The following ABI1 variants were observed in gnomAD, a reference collection of about 807,000 sequenced individuals.
ABI1 encodes Abelson interactor 1.
A neutral mutation model predicts 54.6 loss-of-function variants in ABI1; 14 were observed. That is an observed-to-expected ratio of 0.26 (90% CI 0.17 to 0.40). ABI1 has a LOEUF of 0.40. ABI1 is among the 10% of genes least tolerant of loss of function. The pLI, the probability that ABI1 is intolerant of heterozygous loss-of-function variation, is 1.00. For missense variants in ABI1, 443 were observed against 598.3 expected, an observed-to-expected ratio of 0.74 and a Z score of 2.71; for synonymous variants, 194 against 209.3, an observed-to-expected ratio of 0.93 and a Z score of 0.63.
intron 3 of ABI1, among the ~76,000 whole-genome samples, chr10:26,772,987 G>A (rs1341672827): frequency 2.6e-5 from 4 of 151,876 alleles, no homozygotes; most frequent in Non-Finnish European, 5.9e-5. Flanking sequence ...TGAGGAGGGA[G>A]GATCACTTGA....
At position 26,775,303 on chromosome 10, in the gene ABI1, T is replaced by C. The variant is rs187305031; in HGVS notation, c.462+1762A>G. Reference sequence around the variant, plus strand: ...CACAGAAACAAACTATAGACAAATATGCCAAATAATCAGCTTCTAAAATAT... The same window carrying C: ...CACAGAAACAAACTATAGACAAATACGCCAAATAATCAGCTTCTAAAATAT... On this transcript the variant is annotated intron_variant, in intron 3 of 10. Coordinates refer to ENST00000376140, the MANE Select transcript of ABI1 (RefSeq NM_001012750.3). Among the ~76,000 whole-genome samples the C allele has an allele frequency of 5.6e-3, 854 of 152,254 alleles. 39 individuals are homozygous for C. The highest frequency in any genetic ancestry group is 0.053 in the Admixed American group (806 of 15,280).
Position 26,786,283 on chromosome 10 carries a change from G to A in ABI1, c.286-9042C>T, listed in dbSNP as rs1042660943. On this transcript the variant is annotated intron_variant, in intron 2 of 10. Transcript: ENST00000376140. ...GGCTGGAGTTCAGTGGTGCGATCTC[G>A]GCTCACTGCGCCCTCTGCCTCCCAG... 6.0e-5 allele frequency among the ~76,000 whole-genome samples: 9 copies of A among 150,920 alleles called. No homozygotes were observed. In the East Asian group the frequency reaches 7.8e-4, roughly 13 times the overall value.
rs930166576 is a variant in ABI1 at position 26,860,885 on chromosome 10, T to G, written c.-22A>C. Reference sequence around the variant, plus strand: ...CCATTTTCCACCCCTCTGCATCGCTTCCTCTCGCGTTAAAGAGACAGAGGC... The same window carrying G: ...CCATTTTCCACCCCTCTGCATCGCTGCCTCTCGCGTTAAAGAGACAGAGGC... On this transcript the variant is annotated 5_prime_UTR_variant, in exon 1 of 11. Transcript: ENST00000376140. This position sits in a 1 kb window ranked among gnomAD's most constrained non-coding sequence, Gnocchi z 4.1. The G allele has an allele frequency of 9.3e-6, 15 of 1,605,468 alleles. No individual in the cohort carries two copies. Among genetic ancestry groups the G allele is most frequent in the Non-Finnish European group, 1.3e-5 (15 of 1,172,510 alleles).
intron 1 of ABI1, among the ~76,000 whole-genome samples, chr10:26,857,035 T>C (rs2050873526): frequency 6.6e-6 from 1 of 151,998 alleles, no homozygotes; most frequent in Non-Finnish European, 1.5e-5. Flanking sequence ...TAAAAACACT[T>C]TCAGCCAGGC....
In ABI1 at chr10:26,774,704, A is replaced by C. The variant is rs147786844; in HGVS notation, c.462+2361T>G. 8.4e-4 allele frequency among the ~76,000 whole-genome samples: 128 copies of C among 152,266 alleles called. 1 individual carries two copies. The East Asian group carries it at 0.015, about 18-fold the overall frequency. Reference sequence around the variant, plus strand: ...TAAAACCCAGATATATTTAAATACAAATACCAAAACACTAAAATTTACATC... The same window carrying C: ...TAAAACCCAGATATATTTAAATACACATACCAAAACACTAAAATTTACATC... On this transcript the variant is annotated intron_variant, in intron 3 of 10. Coordinates refer to ENST00000376140, the MANE Select transcript of ABI1 (RefSeq NM_001012750.3).
At chr10:26,749,006 TTTTAGAA>T (rs1218638294) in intron 10 of ABI1, among the ~76,000 whole-genome samples, 1 of 152,216 alleles carries the variant, frequency 6.6e-6, no homozygotes, top group African/African-American at 2.4e-5. Context: ...GCTCTCTGAA[TTTTAGAA>T]TTTATTAGAT....
rs543444226 is a variant in ABI1, at chr10:26,823,305, C to A, written c.118G>T (p.Ala40Ser). 12 of 1,503,838 alleles carry A rather than the reference C, an allele frequency of 8.0e-6. No individual in the cohort carries two copies. The South Asian group carries it at 1.4e-4, about 18-fold the overall frequency. 93.2% of individuals were successfully genotyped at this position (1,503,838 alleles called of 1,614,324 possible). A position where few individuals can be genotyped will look rare whatever the true frequency, so the allele number is the denominator to read the frequency against. The change falls in exon 2 of 11, where the codon GCT becomes TCT. Residue 40 changes from alanine (A) to serine (S), a missense_variant and splice_region_variant. By Grantham distance (99) the Ala-to-Ser change is moderately conservative. Around this residue, in one of 2 missense-constraint regions of ABI1, gnomAD observed 394 missense variants for 484.8 expected, o/e 0.81. Transcript: ENST00000376140. ...ADYCENNYIQ[A>S]TDKRKALEET... ...TCTAAAGCTTTTCTCTTGTCTGTAG[C>A]CTGAAATAAGAACAAAAACAACAAA...
chr10:26,771,256 G>A (rs1321370906), intron 3 of ABI1, among the ~76,000 whole-genome samples, 167 bp from the exon 4 acceptor site: 2 of 152,108 alleles, frequency 1.3e-5, no homozygotes. Flanking sequence ...ACGTACTGGG[G>A]AAATACTCAT....
intron 1 of ABI1, among the ~76,000 whole-genome samples, chr10:26,858,030 G>A (rs2050981535): frequency 6.6e-6 from 1 of 152,068 alleles, no homozygotes. Flanking sequence ...ACACACCTTA[G>A]CTAAACTGGA....
chr10:26,813,527 T>C (rs1437275046), intron 2 of ABI1, among the ~76,000 whole-genome samples: 3 of 152,206 alleles, frequency 2.0e-5, no homozygotes, highest in African/African-American at 7.2e-5. Context: ...ACATAATCTA[T>C]AGGAACTAAA....
At chr10:26,769,705 C>T (rs1234379198) in intron 5 of ABI1, among the ~76,000 whole-genome samples, 1 of 152,122 alleles carries the variant, frequency 6.6e-6, no homozygotes, top group Non-Finnish European at 1.5e-5. Context: ...TTCTACTTGC[C>T]CAACTGGCCT....
intron 1 of ABI1, among the ~76,000 whole-genome samples, chr10:26,837,004 T>A (rs527385647): frequency 6.6e-6 from 1 of 152,366 alleles, no homozygotes; most frequent in East Asian, 1.9e-4. Flanking sequence ...TTACTGAGGC[T>A]GTTTTCTAAA....
At chr10:26,799,563 A>G (rs1241354025) in intron 2 of ABI1, among the ~76,000 whole-genome samples, 2 of 152,226 alleles carry the variant, frequency 1.3e-5, no homozygotes, top group African/African-American at 4.8e-5. Context: ...AAATCTAAAA[A>G]TAGGCTTAGA....
At chr10:26,757,536 G>C (rs1470090440) in intron 8 of ABI1, among the ~76,000 whole-genome samples, 3 of 152,140 alleles carry the variant, frequency 2.0e-5, no homozygotes, top group Non-Finnish European at 4.4e-5. Flanking sequence ...TGAAACAAGT[G>C]AAGTGAATTA....
At chr10:26,761,917 A>C (rs1453599524) in intron 7 of ABI1, among the ~76,000 whole-genome samples, 3 of 152,036 alleles carry the variant, frequency 2.0e-5, no homozygotes, top group African/African-American at 7.2e-5. Flanking sequence ...TGTGCTATCA[A>C]TACTACTGCT....
intron 1 of ABI1, among the ~76,000 whole-genome samples, chr10:26,850,036 A>G (rs1385757758): frequency 6.6e-6 from 1 of 152,230 alleles, no homozygotes; most frequent in African/African-American, 2.4e-5. Flanking sequence ...AATTATGTGC[A>G]CAGCCTATTA....
Position 26,746,606 on chromosome 10 carries a change from A to G in ABI1, c.*1964T>C. On this transcript the variant is annotated 3_prime_UTR_variant, in exon 11 of 11. Transcript: ENST00000376140. The stretch of plus-strand genomic sequence containing the variant: ...AAGATATCAAACTTATTGATGGGCA[A>G]TTTATTTTTTTTTATTGCAAAAGTT... 4.1e-6 allele frequency: 4 copies of G among 982,596 alleles called. No homozygotes were observed. Among genetic ancestry groups the G allele is most frequent in the Non-Finnish European group, 4.6e-6 (3 of 656,192 alleles). The allele number at this position is 982,596 out of a possible 1,614,324, so 60.9% of individuals were successfully genotyped here. A position where few individuals can be genotyped will look rare whatever the true frequency, so the allele number is the denominator to read the frequency against.
chr10:26,821,434 A>G (rs908334196), intron 2 of ABI1, among the ~76,000 whole-genome samples: 4 of 152,146 alleles, frequency 2.6e-5, no homozygotes, highest in African/African-American at 9.7e-5. Context: ...TAAAAAAGAA[A>G]GATGACACCA....
At chr10:26,800,768 C>T (rs903164177) in intron 2 of ABI1, among the ~76,000 whole-genome samples, 2 of 152,144 alleles carry the variant, frequency 1.3e-5, no homozygotes, top group African/African-American at 2.4e-5. Flanking sequence ...CAGTGGCTGA[C>T]GCCTGTCATC....
Sources: allele counts gnomAD v4.1 joint callset (sites outside exome capture counted in the v4.1 genomes callset), GRCh38; gene constraint gnomAD v4.1.1; regional missense constraint gnomAD v4.1.1; non-coding constraint Gnocchi (gnomAD v3.1); transcripts MANE v1.5; gene names NCBI Gene and HGNC (gene_info 2026-07-23, HGNC 2026-07-21).